The following PARP12 variants were observed in gnomAD, a reference collection of about 807,000 sequenced individuals.
PARP12 encodes the protein poly(ADP-ribose) polymerase family member 12.
Under a neutral mutation model 72.4 loss-of-function variants are expected in PARP12, and 59 were observed. The observed-to-expected ratio is 0.81, with a 90% confidence interval of 0.66 to 1.01. The LOEUF (loss-of-function observed/expected upper bound fraction) is 1.01, where lower values mean the gene tolerates loss of function less well. Among genes scored for constraint, PARP12 ranks in the 50% least tolerant of loss-of-function variants. PARP12 has a pLI of 0.00. For missense variants in PARP12, 851 were observed against 914.0 expected (o/e 0.93, Z 0.89); for synonymous variants, 403 against 371.4 (o/e 1.09, Z -0.98).
chr7:140,055,111 G>C (rs905130627), intron 3 of PARP12, among the ~76,000 whole-genome samples: 5 of 152,192 alleles, frequency 3.3e-5, no homozygotes, highest in Non-Finnish European at 5.9e-5. Flanking sequence ...GAACCTCCAG[G>C]GGTGGGACTT....
intron 3 of PARP12, 81 bp from the exon 4 acceptor site, chr7:140,054,844 T>C: frequency 1.6e-6 from 2 of 1,242,958 alleles, no homozygotes; most frequent in Non-Finnish European, 2.3e-6. Flanking sequence ...TTCAGTTCTC[T>C]GCACAAAAGT....
At chr7:140,041,541 G>T in intron 6 of PARP12, 103 bp downstream of exon 6, 1 of 1,189,556 alleles carries the variant, frequency 8.4e-7, no homozygotes, top group Non-Finnish European at 1.2e-6. Flanking sequence ...GGGATCCTCA[G>T]CTCTCTCAAG....
intron 10 of PARP12, among the ~76,000 whole-genome samples, chr7:140,026,861 A>ATC: frequency 6.6e-6 from 1 of 152,174 alleles, no homozygotes; most frequent in Non-Finnish European, 1.5e-5. Flanking sequence ...CTCCCCACAT[A>ATC]GACAGGTGAG....
chr7:140,058,240 G>T (rs755074314), intron 1 of PARP12, among the ~76,000 whole-genome samples: 2 of 152,136 alleles, frequency 1.3e-5, no homozygotes, highest in African/African-American at 2.4e-5. Context: ...GGCTAAGCAC[G>T]GTGGCTCATG....
chr7:140,027,566 C>T (rs1185819806), intron 9 of PARP12, 160 bp from the exon 10 acceptor site: 10 of 761,212 alleles, frequency 1.3e-5, no homozygotes, highest in South Asian at 5.9e-5. Context: ...AGGAGACAAT[C>T]GGTCCTCATG....
chr7:140,033,635 G>A (rs1816032353), intron 8 of PARP12: 1 of 985,228 alleles, frequency 1.0e-6, no homozygotes, highest in Non-Finnish European at 1.2e-6. Flanking sequence ...TTGAGATAGG[G>A]TCTGATCAGT....
At chr7:140,051,389 T>A (rs1349376382) in intron 4 of PARP12, among the ~76,000 whole-genome samples, 1 of 151,584 alleles carries the variant, frequency 6.6e-6, no homozygotes, top group African/African-American at 2.4e-5. Flanking sequence ...CCTTTAAAGA[T>A]TTTTTTTCTT....
intron 1 of PARP12, 47 bp downstream of exon 1, chr7:140,062,475 G>A: frequency 1.3e-6 from 2 of 1,494,132 alleles, no homozygotes; most frequent in East Asian, 2.6e-5. Context: ...AGTGCGTGAG[G>A]GCGCGCAGGA....
intron 7 of PARP12, among the ~76,000 whole-genome samples, chr7:140,036,811 A>G (rs948199509): frequency 7.6e-6 from 1 of 131,730 alleles, no homozygotes; most frequent in African/African-American, 3.5e-5. Flanking sequence ...AAACTACACA[A>G]AATTAAAACT....
chr7:140,033,452 CT>C, intron 8 of PARP12: 21 of 985,444 alleles, frequency 2.1e-5, no homozygotes, highest in Non-Finnish European at 2.5e-5. Context: ...GTAACACTGC[CT>C]AAAGTCCCAG....
chr7:140,053,684 A>G (rs1228518866), intron 4 of PARP12, among the ~76,000 whole-genome samples: 2 of 152,150 alleles, frequency 1.3e-5, no homozygotes, highest in African/African-American at 4.8e-5. Context: ...CCCAGAATCT[A>G]TCTATGGAAA....
At chr7:140,025,295 C>G (rs1403453808) in intron 11 of PARP12, 1 of 292,634 alleles carries the variant, frequency 3.4e-6, no homozygotes, top group Non-Finnish European at 6.8e-6. Context: ...TCTGTAGACT[C>G]TGGCAGCCCA....
In PARP12 at chr7:140,024,145, G is replaced by A. The variant is rs1376168312; in HGVS notation, c.*415C>T. On this transcript the variant is annotated 3_prime_UTR_variant, in exon 12 of 12. Coordinates refer to ENST00000263549, the MANE Select transcript of PARP12 (RefSeq NM_022750.4). ...TGCCGCCCGTGGGCTGTCATCCACC[G>A]GTGGCTACTGTGTCATTCTGGAAAA... 1 of 289,718 alleles carries A rather than the reference G, an allele frequency of 3.5e-6. No individual in the cohort carries two copies. Among genetic ancestry groups the A allele is most frequent in the Non-Finnish European group, 6.7e-6 (1 of 148,692 alleles). 17.9% of individuals were successfully genotyped at this position (289,718 alleles called of 1,614,324 possible).
At chr7:140,044,397 A>G (rs542337672) in intron 5 of PARP12, among the ~76,000 whole-genome samples, 1 of 152,332 alleles carries the variant, frequency 6.6e-6, no homozygotes, top group East Asian at 1.9e-4. Context: ...ACACAGACAC[A>G]TGGGGAAATG....
intron 4 of PARP12, among the ~76,000 whole-genome samples, chr7:140,050,002 T>C (rs1348258054): frequency 1.3e-5 from 2 of 151,896 alleles, no homozygotes; most frequent in Non-Finnish European, 2.9e-5. Context: ...CCCCAGCCCT[T>C]CCTCCCTATA....
In PARP12 at chr7:140,023,821, T is replaced by C. The variant is rs1815620851; in HGVS notation, c.*739A>G. On this transcript the variant is annotated 3_prime_UTR_variant, in exon 12 of 12. Transcript: ENST00000263549. The stretch of plus-strand genomic sequence containing the variant: ...GCACAAGTATTCAATCTCACAGGGA[T>C]GTTAAAACCCACACTCGAAGGGTGT... The C allele has an allele frequency of 6.5e-6, 1 of 153,358 alleles. No homozygotes were observed. The allele number at this position is 153,358 out of a possible 1,614,324, so 9.5% of individuals were successfully genotyped here. A position where few individuals can be genotyped will look rare whatever the true frequency, so the allele number is the denominator to read the frequency against.
chr7:140,059,358 G>GTA (rs1360745995), intron 1 of PARP12, among the ~76,000 whole-genome samples: 85 of 120,306 alleles, frequency 7.1e-4, no homozygotes, highest in African/African-American at 3.3e-3. Flanking sequence ...GTGCAGGCGT[G>GTA]TATACACACA....
chr7:140,026,449 G>A (rs532115842), intron 10 of PARP12, 101 bp from the exon 11 acceptor site: 2 of 1,492,254 alleles, frequency 1.3e-6, no homozygotes, highest in Admixed American at 2.0e-5. Flanking sequence ...TTCCAAAAGT[G>A]TCCTGGGACC....
intron 8 of PARP12, among the ~76,000 whole-genome samples, chr7:140,032,551 T>G (rs1408848472): frequency 6.6e-6 from 1 of 152,040 alleles, no homozygotes; most frequent in Non-Finnish European, 1.5e-5. Flanking sequence ...AGCAAAAGAC[T>G]GAAAACAACA....
Sources: gnomAD v4.1 joint callset for allele counts (sites outside exome capture counted in the v4.1 genomes callset) on GRCh38, gnomAD v4.1.1 for gene constraint, MANE v1.5 for transcripts, NCBI Gene and HGNC (gene_info 2026-07-23, HGNC 2026-07-21) for gene names.